SLC28A1: variants seen among roughly 807,000 people sequenced by gnomAD.
SLC28A1 encodes solute carrier family 28 member 1, also known as sodium/nucleoside cotransporter 1.
A neutral mutation model predicts 74.8 loss-of-function variants in SLC28A1; 64 were observed. The observed-to-expected ratio is 0.86, with a 90% CI of 0.70 to 1.05. SLC28A1 has a LOEUF of 1.05. Among genes scored for constraint, SLC28A1 ranks in the 50% least tolerant of loss-of-function variants. The pLI is 0.00. For missense variants in SLC28A1, 828 were observed against 822.8 expected (o/e 1.01, Z -0.08); for synonymous variants, 359 against 335.0 (o/e 1.07, Z -0.78).
chr15:84,975,487 C>T, the SLC28A1 span: 130 of 456,218 alleles, frequency 2.8e-4, no homozygotes, highest in Middle Eastern at 6.5e-4. Flanking sequence ...GTTCCAGTAA[C>T]GTGTTTCTTG....
At chr15:84,911,250 G>A (rs1036999890) in intron 9 of SLC28A1, among the ~76,000 whole-genome samples, 1 of 152,192 alleles carries the variant, frequency 6.6e-6, no homozygotes, top group African/African-American at 2.4e-5. Flanking sequence ...GGAAGGATGT[G>A]TACACACCTG....
the SLC28A1 span, among the ~76,000 whole-genome samples, chr15:84,958,391 T>G: frequency 6.6e-6 from 1 of 152,188 alleles, no homozygotes; most frequent in Non-Finnish European, 1.5e-5. Flanking sequence ...CTTGGGTTAT[T>G]CCCTCATTTT....
chr15:84,949,979 G>T (rs903635539), downstream of SLC28A1, among the ~76,000 whole-genome samples: 2 of 152,140 alleles, frequency 1.3e-5, no homozygotes, highest in Admixed American at 6.5e-5. Flanking sequence ...CTGAGTGAGA[G>T]AAACTGCAGC....
At chr15:84,933,299 A>G (rs940422525) in intron 13 of SLC28A1, 24 bp downstream of exon 13, 9 of 1,610,098 alleles carry the variant, frequency 5.6e-6, no homozygotes, top group Non-Finnish European at 7.6e-6. Flanking sequence ...GAGGTCCTGC[A>G]GACAGGGTAG....
At chr15:84,954,378 T>G in the SLC28A1 span, among the ~76,000 whole-genome samples, 1 of 152,210 alleles carries the variant, frequency 6.6e-6, no homozygotes, top group African/African-American at 2.4e-5. Context: ...CTATAAAGAT[T>G]TCAAATGATA....
At chr15:84,955,715 C>T in the SLC28A1 span, among the ~76,000 whole-genome samples, 1 of 152,140 alleles carries the variant, frequency 6.6e-6, no homozygotes, top group Admixed American at 6.5e-5. Flanking sequence ...TGGGGGAGGT[C>T]GGTGCCTCTG....
rs116158884 is a variant in SLC28A1 at position 84,904,885 on chromosome 15, T to C, written c.603+647T>C. On this transcript the variant is annotated intron_variant, in intron 7 of 18. Coordinates refer to ENST00000394573, the MANE Select transcript of SLC28A1 (RefSeq NM_004213.5). ...CCTGCCATAGGCAGATGGAATCTTCTCTCTCTCTGCCTCCATAGCATAAGA... is the reference window on the plus strand; with the variant it reads ...CCTGCCATAGGCAGATGGAATCTTCCCTCTCTCTGCCTCCATAGCATAAGA... Among the ~76,000 whole-genome samples, 803 of 152,276 alleles carry C rather than the reference T, an allele frequency of 5.3e-3. 8 individuals are homozygous for C. The highest frequency in any genetic ancestry group is 0.018 in the African/African-American group (739 of 41,556).
intron 10 of SLC28A1, among the ~76,000 whole-genome samples, chr15:84,920,238 G>A (rs1969639476): frequency 6.6e-6 from 1 of 152,218 alleles, no homozygotes; most frequent in Non-Finnish European, 1.5e-5. Context: ...CTGAGGTCAG[G>A]AGTTCGAGAC....
chr15:84,897,257 G>A (rs1369234713), intron 6 of SLC28A1, among the ~76,000 whole-genome samples: 7 of 148,880 alleles, frequency 4.7e-5, no homozygotes, highest in East Asian at 3.9e-4. Context: ...GTGGTGGTAC[G>A]CGCCTGTAAT....
chr15:84,925,749 C>T (rs1257808045), intron 12 of SLC28A1, among the ~76,000 whole-genome samples: 1 of 151,988 alleles, frequency 6.6e-6, no homozygotes, highest in East Asian at 1.9e-4. Context: ...GGTATATACA[C>T]CTGAGTACTC....
At chr15:84,888,400 C>T (rs1309858571) in intron 3 of SLC28A1, among the ~76,000 whole-genome samples, 1 of 140,176 alleles carries the variant, frequency 7.1e-6, no homozygotes, top group Non-Finnish European at 1.6e-5. Context: ...AGAATACCCA[C>T]CCCCCACCCA....
intron 10 of SLC28A1, among the ~76,000 whole-genome samples, chr15:84,920,572 G>T (rs544055967): frequency 2.4e-4 from 36 of 152,292 alleles, no homozygotes; most frequent in African/African-American, 6.7e-4. Context: ...ACCAGGTAAA[G>T]GTAGCCTAAT....
At chr15:84,963,830 C>G in the SLC28A1 span, among the ~76,000 whole-genome samples, 1 of 152,182 alleles carries the variant, frequency 6.6e-6, no homozygotes, top group Non-Finnish European at 1.5e-5. Flanking sequence ...TGATGACCCC[C>G]TATTTCACCT....
In SLC28A1 at chr15:84,928,605, T is replaced by TC. The variant is rs1596328319; in HGVS notation, c.1083+4495_1083+4496insC. Among the ~76,000 whole-genome samples the TC allele has an allele frequency of 6.3e-4, 26 of 41,086 alleles. 4 individuals are homozygous for TC. Among genetic ancestry groups the TC allele is most frequent in the East Asian group, 1.4e-3 (4 of 2,798 alleles). 27.0% of individuals were successfully genotyped at this position (41,086 alleles called of 152,430 possible). ...TTCTTTCTTTCTTTCTTTCTTTCTT[T>TC]TCTTTCTTTCTTTTCTTTCTTTCTT... On this transcript the variant is annotated intron_variant, in intron 12 of 18. Coordinates refer to ENST00000394573, the MANE Select transcript of SLC28A1 (RefSeq NM_004213.5).
the SLC28A1 span, among the ~76,000 whole-genome samples, chr15:84,972,432 C>A: frequency 6.6e-6 from 1 of 152,100 alleles, no homozygotes; most frequent in South Asian, 2.1e-4. Context: ...GATGATATAC[C>A]CATTTCAGAG....
intron 12 of SLC28A1, among the ~76,000 whole-genome samples, chr15:84,932,475 C>A (rs139173060): frequency 1.3e-5 from 2 of 152,154 alleles, no homozygotes; most frequent in African/African-American, 4.8e-5. Flanking sequence ...GAGGGTCAAA[C>A]GGTGGCTGTC....
chr15:84,907,216 C>T (rs1411991324), intron 8 of SLC28A1, among the ~76,000 whole-genome samples: 3 of 152,178 alleles, frequency 2.0e-5, no homozygotes, highest in African/African-American at 4.8e-5. Context: ...TGAGTGATTC[C>T]ATTGTGGTTT....
intron 6 of SLC28A1, among the ~76,000 whole-genome samples, chr15:84,901,035 A>G (rs1966634556): frequency 6.6e-6 from 1 of 151,610 alleles, no homozygotes; most frequent in Non-Finnish European, 1.5e-5. Flanking sequence ...CAGCCTGACC[A>G]ACAGAGTGAA....
intron 12 of SLC28A1, among the ~76,000 whole-genome samples, chr15:84,924,319 G>A (rs1359412312): frequency 6.6e-6 from 1 of 151,980 alleles, no homozygotes; most frequent in Non-Finnish European, 1.5e-5. Context: ...GCTTCCTGGT[G>A]TTCCATTTAC....
Sources: gnomAD v4.1 joint callset for allele counts (sites outside exome capture counted in the v4.1 genomes callset) on GRCh38, gnomAD v4.1.1 for gene constraint, MANE v1.5 for transcripts, NCBI Gene and HGNC (gene_info 2026-07-23, HGNC 2026-07-21) for gene names.